KLHDC4: variants seen among roughly 807,000 people sequenced by gnomAD.
KLHDC4 encodes the protein kelch domain containing 4.
In KLHDC4, 90 loss-of-function variants were observed where a neutral mutation model predicts 62.4. That is an observed-to-expected ratio of 1.44 (90% CI 1.22 to 1.72). The LOEUF is 1.72. Ranked by LOEUF, KLHDC4 falls within the 40% of genes most tolerant of loss-of-function variation. The pLI, the probability that KLHDC4 is intolerant of heterozygous loss-of-function variation, is 0.00. For missense variants in KLHDC4, 1,025 were observed against 699.7 expected (o/e 1.47, Z -5.25); for synonymous variants, 386 against 284.4 (o/e 1.36, Z -3.59).
intron 11 of KLHDC4, 67 bp downstream of exon 11, chr16:87,708,283 G>A (rs908496497): frequency 3.2e-5 from 35 of 1,079,584 alleles, no homozygotes; most frequent in African/African-American, 1.4e-4. Context: ...ATAAGCATCC[G>A]ATAAACATGA....
At chr16:87,737,074 G>A (rs181557998) in intron 5 of KLHDC4, among the ~76,000 whole-genome samples, 452 of 127,832 alleles carry the variant, frequency 3.5e-3, no homozygotes, top group African/African-American at 9.3e-3. Context: ...GCAGTGACCC[G>A]AGATGGCGCC....
chr16:87,732,081 A>G (rs997106079), intron 5 of KLHDC4, among the ~76,000 whole-genome samples: 8 of 148,578 alleles, frequency 5.4e-5, no homozygotes, highest in East Asian at 2.0e-4. Flanking sequence ...TGCTAATTAC[A>G]TAAGTGTGCA....
intron 1 of KLHDC4, chr16:87,765,220 G>A (rs998357548): frequency 8.8e-6 from 4 of 455,926 alleles, no homozygotes; most frequent in African/African-American, 6.0e-5. Context: ...AGGACCAGAG[G>A]GAAGGAGACA....
chr16:87,721,547 C>T (rs1384255542), intron 7 of KLHDC4, among the ~76,000 whole-genome samples: 6 of 152,160 alleles, frequency 3.9e-5, no homozygotes, highest in African/African-American at 1.2e-4. Context: ...CAACCTGCAG[C>T]CGGTGACCTG....
At chr16:87,746,781 A>G (rs962910525) in intron 5 of KLHDC4, among the ~76,000 whole-genome samples, 1 of 152,214 alleles carries the variant, frequency 6.6e-6, no homozygotes, top group Non-Finnish European at 1.5e-5. Context: ...TCGCAACTAC[A>G]TTGTATGTTT....
intron 5 of KLHDC4, among the ~76,000 whole-genome samples, chr16:87,735,009 C>T (rs1260208856): frequency 7.0e-6 from 1 of 143,242 alleles, no homozygotes; most frequent in South Asian, 2.3e-4. Context: ...CGCCCCTCCC[C>T]CTCCTGACGA....
chr16:87,755,363 A>C, intron 3 of KLHDC4, 71 bp from the exon 4 acceptor site: 1 of 818,266 alleles, frequency 1.2e-6, no homozygotes, highest in Non-Finnish European at 2.1e-6. Flanking sequence ...AACAATCTTA[A>C]TCATGACAAT....
chr16:87,756,193 A>G, intron 3 of KLHDC4: 1 of 446,054 alleles, frequency 2.2e-6, no homozygotes, highest in Admixed American at 3.3e-5. Context: ...TCCCAGGAAT[A>G]GAGACCCCAG....
In KLHDC4 at chr16:87,743,613, G is replaced by A. The variant is rs369456902; in HGVS notation, c.506+5060C>T. ...ATATTAGCCAGGCGTGGTGGCGGGC[G>A]CCTGTAGTCCCAGCTACTCGGGAGG... is the stretch of plus-strand genomic sequence containing the variant. On this transcript the variant is annotated intron_variant, in intron 5 of 11. Transcript: ENST00000270583. Among the ~76,000 whole-genome samples, 10 of 151,734 alleles carry A rather than the reference G, an allele frequency of 6.6e-5. No homozygotes were observed. In the East Asian group the frequency reaches 9.7e-4, roughly 15 times the overall value.
exon 1 of KLHDC4, chr16:87,700,979 C>A (rs748939621): frequency 1.4e-4 from 30 of 213,858 alleles, no homozygotes; most frequent in African/African-American, 6.9e-4. Flanking sequence ...GCAGTCGGTA[C>A]GCAGAAACTG....
chr16:87,701,810 G>A (rs777796761), exon 1 of KLHDC4: 10 of 456,634 alleles, frequency 2.2e-5, no homozygotes, highest in Non-Finnish European at 4.4e-5. Flanking sequence ...CCATGGGACA[G>A]AGGCCTCCAG....
intron 7 of KLHDC4, among the ~76,000 whole-genome samples, chr16:87,718,866 G>A (rs149939177): frequency 0.061 from 9,162 of 149,642 alleles, 423 homozygotes; most frequent in Middle Eastern, 0.12. Context: ...GAGTGCCTCT[G>A]TCCGGCCGCG....
rs767452405 is a variant in KLHDC4, at chr16:87,714,542, C to G, written c.791G>C (p.Arg264Pro). Residue 264 changes from arginine (R) to proline (P), a missense_variant, in exon 8 of 12, where the codon CGG becomes CCG. By Grantham distance (103) the Arg-to-Pro change is moderately radical. Transcript: ENST00000270583. ...CTTCAGCAGGAACATGTCTGAGTGC[C>G]GTGTGCCCTTGTCCACGTCTTTCTT... ...RVKKDVDKGTRHSDMFLLKPE... is the reference protein window; with the variant it reads ...RVKKDVDKGTPHSDMFLLKPE... 6.2e-7 allele frequency: 1 copy of G among 1,614,160 alleles called. No individual in the cohort carries two copies. The highest frequency in any genetic ancestry group is 1.1e-5 in the South Asian group (1 of 91,084).
intron 1 of KLHDC4, among the ~76,000 whole-genome samples, chr16:87,764,675 A>AAT (rs764279970): frequency 8.1e-6 from 1 of 123,192 alleles, no homozygotes; most frequent in South Asian, 2.7e-4. Flanking sequence ...AAAAAAAAAA[A>AAT]GCAGAAAGCA....
At chr16:87,752,959 G>A (rs1194836406) in intron 4 of KLHDC4, among the ~76,000 whole-genome samples, 2 of 152,214 alleles carry the variant, frequency 1.3e-5, no homozygotes, top group Non-Finnish European at 2.9e-5. Context: ...GGGAAGTGCA[G>A]GACTGTGAAC....
chr16:87,763,636 A>G (rs1429996728), intron 1 of KLHDC4: 1 of 152,254 alleles, frequency 6.6e-6, no homozygotes, highest in Non-Finnish European at 1.5e-5. Flanking sequence ...ATGTCATTAA[A>G]TGGTATCATA....
At chr16:87,743,375 A>T (rs2042533059) in intron 5 of KLHDC4, among the ~76,000 whole-genome samples, 1 of 152,182 alleles carries the variant, frequency 6.6e-6, no homozygotes, top group South Asian at 2.1e-4. Context: ...GATTACAGGC[A>T]TGAGCCACTG....
chr16:87,747,987 C>T (rs771742340), intron 5 of KLHDC4, among the ~76,000 whole-genome samples: 1 of 152,208 alleles, frequency 6.6e-6, no homozygotes, highest in African/African-American at 2.4e-5. Flanking sequence ...CCGCAGCAAT[C>T]GAGCCAGGCC....
exon 1 of KLHDC4, chr16:87,698,733 G>A (rs1416253269): frequency 6.6e-6 from 1 of 152,200 alleles, no homozygotes; most frequent in African/African-American, 2.4e-5. Flanking sequence ...GGGTGATTAA[G>A]CAGAAGGCTG....
Sources: allele counts gnomAD v4.1 joint callset (sites outside exome capture counted in the v4.1 genomes callset), GRCh38; gene constraint gnomAD v4.1.1; transcripts MANE v1.5; gene names NCBI Gene and HGNC (gene_info 2026-07-23, HGNC 2026-07-21).